The following CIMIP5 variants were observed in gnomAD, a reference collection of about 807,000 sequenced individuals.
The protein encoded by CIMIP5 is uncharacterized protein C2orf50.
chr2:11,145,487 A>G, the CIMIP5 span: 1 of 152,246 alleles, frequency 6.6e-6, no homozygotes, highest in Non-Finnish European at 1.5e-5. Flanking sequence ...AAAAAAATGC[A>G]GAAAAGGCTT....
the CIMIP5 span, chr2:11,144,193 T>G: frequency 7.9e-7 from 1 of 1,270,338 alleles, no homozygotes; most frequent in South Asian, 1.7e-5. Flanking sequence ...ACCAGTCAGC[T>G]CCCCACACAA....
the CIMIP5 span, among the ~76,000 whole-genome samples, chr2:11,136,401 G>A: frequency 8.5e-5 from 13 of 152,208 alleles, no homozygotes; most frequent in Admixed American, 3.9e-4. Flanking sequence ...GGTGAGGAAG[G>A]AGTAAAGGAT....
the CIMIP5 span, among the ~76,000 whole-genome samples, chr2:11,150,457 C>T: frequency 4.6e-5 from 7 of 151,874 alleles, no homozygotes; most frequent in African/African-American, 7.2e-5. Flanking sequence ...CTCAGCCTCC[C>T]GAGTAGCTGG....
chr2:11,140,468 C>T, the CIMIP5 span: 1 of 1,487,712 alleles, frequency 6.7e-7, no homozygotes, highest in Non-Finnish European at 9.2e-7. Context: ...GTAAAAATGT[C>T]CTGGAAGGAA....
chr2:11,148,730 C>CTTTTTTTTTT, the CIMIP5 span, among the ~76,000 whole-genome samples: 113 of 63,686 alleles, frequency 1.8e-3, 1 homozygote, highest in African/African-American at 7.6e-3. Context: ...CTAATGAAAA[C>CTTTTTTTTTT]TCTTTTTTTT....
chr2:11,148,730 C>CTTTT, the CIMIP5 span, among the ~76,000 whole-genome samples: 11 of 63,850 alleles, frequency 1.7e-4, 1 homozygote, highest in Admixed American at 1.8e-4. Flanking sequence ...CTAATGAAAA[C>CTTTT]TCTTTTTTTT....
At chr2:11,140,460 A>T in the CIMIP5 span, 1 of 1,435,424 alleles carries the variant, frequency 7.0e-7, no homozygotes, top group Non-Finnish European at 9.5e-7. Context: ...AGTCATTGGT[A>T]AAAATGTCCT....
At chr2:11,154,185 T>C in the CIMIP5 span, among the ~76,000 whole-genome samples, 1 of 152,226 alleles carries the variant, frequency 6.6e-6, no homozygotes, top group Admixed American at 6.5e-5. Context: ...CCTATGTTGC[T>C]CAGGCTGGTC....
the CIMIP5 span, among the ~76,000 whole-genome samples, chr2:11,147,774 C>T: frequency 1.2e-4 from 18 of 146,758 alleles, no homozygotes; most frequent in Admixed American, 7.9e-4. Context: ...CCACCCTCTG[C>T]TCCTTGCCAC....
the CIMIP5 span, among the ~76,000 whole-genome samples, chr2:11,148,732 C>CT: frequency 0.013 from 456 of 35,528 alleles, 27 homozygotes; most frequent in African/African-American, 0.018. Context: ...AATGAAAACT[C>CT]TTTTTTTTTT....
the CIMIP5 span, among the ~76,000 whole-genome samples, chr2:11,138,611 G>A: frequency 3.9e-5 from 6 of 152,112 alleles, no homozygotes; most frequent in Non-Finnish European, 8.8e-5. Context: ...TTGGAGGTGG[G>A]GCCCGGTGGA....
the CIMIP5 span, chr2:11,133,310 G>GCACACACACACACACACA: frequency 8.4e-5 from 114 of 1,356,500 alleles, 1 homozygote; most frequent in African/African-American, 9.7e-4. Flanking sequence ...TGACACAAGC[G>GCACACACACACACACACA]CACACACACA....
chr2:11,142,403 C>T, the CIMIP5 span, among the ~76,000 whole-genome samples: 1 of 152,154 alleles, frequency 6.6e-6, no homozygotes, highest in Non-Finnish European at 1.5e-5. Context: ...CATTGTGGAC[C>T]TGCTGGACTT....
chr2:11,138,793 C>A, the CIMIP5 span, among the ~76,000 whole-genome samples: 1 of 152,312 alleles, frequency 6.6e-6, no homozygotes, highest in Middle Eastern at 3.4e-3. Context: ...TGCCACTTTG[C>A]CTTCCACCAT....
At chr2:11,140,673 C>A in the CIMIP5 span, 1 of 636,490 alleles carries the variant, frequency 1.6e-6, no homozygotes, top group Non-Finnish European at 2.5e-6. Context: ...AGCGATGAGT[C>A]AAATACACTC....
chr2:11,134,477 C>A, the CIMIP5 span, among the ~76,000 whole-genome samples: 1 of 152,190 alleles, frequency 6.6e-6, no homozygotes, highest in African/African-American at 2.4e-5. Context: ...TGATTAGCAA[C>A]GCCCCATTCC....
chr2:11,153,694 C>A, the CIMIP5 span, among the ~76,000 whole-genome samples: 1 of 152,160 alleles, frequency 6.6e-6, no homozygotes, highest in Non-Finnish European at 1.5e-5. Flanking sequence ...TGCCTGTAAT[C>A]CCAGCACTTT....
the CIMIP5 span, among the ~76,000 whole-genome samples, chr2:11,143,544 T>G: frequency 6.6e-6 from 1 of 151,068 alleles, no homozygotes; most frequent in Non-Finnish European, 1.5e-5. Context: ...TGTGTGAATG[T>G]TATACTCTTA....
the CIMIP5 span, chr2:11,144,172 C>T: frequency 7.1e-7 from 1 of 1,406,972 alleles, no homozygotes; most frequent in Non-Finnish European, 9.5e-7. Flanking sequence ...AGAGACCCAG[C>T]CCACAACAGC....
Sources: allele counts gnomAD v4.1 joint callset (sites outside exome capture counted in the v4.1 genomes callset), GRCh38; gene constraint gnomAD v4.1.1; transcripts MANE v1.5; gene names NCBI Gene and HGNC (gene_info 2026-07-23, HGNC 2026-07-21).